The following CUL3 variants were observed in gnomAD, a reference collection of about 807,000 sequenced individuals.
The protein encoded by CUL3 is cullin 3, also known as cullin-3.
Under a neutral mutation model 89.1 loss-of-function variants are expected in CUL3, and 19 were observed. The observed-to-expected ratio is 0.21, with a 90% CI of 0.15 to 0.31. The LOEUF (loss-of-function observed/expected upper bound fraction) is 0.31, where lower values mean the gene tolerates loss of function less well. CUL3 is among the 10% of genes least tolerant of loss of function. CUL3 has a pLI of 1.00. For synonymous variants in CUL3, 351 were observed against 308.4 expected (o/e 1.14, Z -1.45); for missense variants, 469 against 942.3 (o/e 0.50, Z 6.58).
Position 224,562,435 on chromosome 2 carries a change from C to T in CUL3, c.67-4579G>A, listed in dbSNP as rs937424266. On this transcript the variant is annotated intron_variant, in intron 1 of 15. Transcript: ENST00000264414. Reference sequence around the variant, plus strand: ...GACAGATCACTTGAGGTTGGGAGTTCGAGACCAGCCTAGCCAACATGGTGA... The same window carrying T: ...GACAGATCACTTGAGGTTGGGAGTTTGAGACCAGCCTAGCCAACATGGTGA... Among the ~76,000 whole-genome samples the T allele has an allele frequency of 6.6e-5, 10 of 151,836 alleles. No individual in the cohort carries two copies. In the South Asian group the frequency reaches 1.9e-3, roughly 28 times the overall value.
At position 224,495,842 on chromosome 2, in the gene CUL3, T is replaced by C. The variant is rs1160245067; in HGVS notation, c.1832A>G (p.Tyr611Cys). The change falls in exon 13 of 16, where the codon TAC (tyrosine) becomes TGC (cysteine). Residue 611 changes from tyrosine to cysteine, a missense_variant. Physicochemically the swap from Tyr to Cys is radical, Grantham distance 194 (BLOSUM62 -2). Transcript: ENST00000264414. ...ILMLFNNREK[Y>C]TFEEIQQETD... ...AACCACAATCCATACCTCAAATGTGTATTTTTCTCTATTATTAAAGAGCAT... is the reference window on the plus strand; with the variant it reads ...AACCACAATCCATACCTCAAATGTGCATTTTTCTCTATTATTAAAGAGCAT... 5.0e-6 allele frequency: 8 copies of C among 1,609,996 alleles called. No individual in the cohort carries two copies. The highest frequency in any genetic ancestry group is 6.8e-6 in the Non-Finnish European group (8 of 1,177,000).
intron 10 of CUL3, among the ~76,000 whole-genome samples, chr2:224,501,293 CAGATCCAGTGCTATAACACTAT>C (rs962561759): frequency 6.6e-6 from 1 of 152,202 alleles, no homozygotes; most frequent in Non-Finnish European, 1.5e-5. Flanking sequence ...CCTCTGCATA[CAGATCCAGTGCTATAACACTAT>C]AGATCCAGTG....
chr2:224,520,555 T>TA (rs1250455650), intron 3 of CUL3, among the ~76,000 whole-genome samples: 2 of 152,118 alleles, frequency 1.3e-5, no homozygotes, highest in Non-Finnish European at 2.9e-5. Context: ...AAAGGCTGGA[T>TA]AAAAAAATAC....
At chr2:224,577,690 G>C (rs1052784844) in intron 1 of CUL3, among the ~76,000 whole-genome samples, 1 of 151,924 alleles carries the variant, frequency 6.6e-6, no homozygotes, top group Non-Finnish European at 1.5e-5. Flanking sequence ...TTCATATGTT[G>C]AATACTCCAG....
At chr2:224,540,162 T>A (rs192523326) in intron 2 of CUL3, among the ~76,000 whole-genome samples, 4 of 151,854 alleles carry the variant, frequency 2.6e-5, no homozygotes, top group Non-Finnish European at 5.9e-5. Context: ...GTTTAAGCCA[T>A]TATTCTGGCT....
At chr2:224,487,442 CCAA>C (rs1691772520) in intron 13 of CUL3, among the ~76,000 whole-genome samples, 4 of 90,072 alleles carry the variant, frequency 4.4e-5, no homozygotes, top group African/African-American at 1.7e-4. Flanking sequence ...CCCGCCCCCC[CCAA>C]AAAAAAAAAA....
intron 14 of CUL3, among the ~76,000 whole-genome samples, chr2:224,480,288 T>C (rs985389342): frequency 1.3e-5 from 2 of 152,228 alleles, no homozygotes; most frequent in Non-Finnish European, 2.9e-5. Context: ...TCTTCGAATA[T>C]TTGATTATGT....
At chr2:224,570,167 A>G (rs527928005) in intron 1 of CUL3, among the ~76,000 whole-genome samples, 17 of 152,170 alleles carry the variant, frequency 1.1e-4, no homozygotes, top group Non-Finnish European at 2.2e-4. Context: ...ATCTGAATAC[A>G]GTCCATTTGC....
chr2:224,532,090 C>T (rs1056941919), intron 3 of CUL3, among the ~76,000 whole-genome samples: 3 of 152,158 alleles, frequency 2.0e-5, no homozygotes, highest in African/African-American at 7.2e-5. Context: ...TGATTATGAG[C>T]TCATTTGGAC....
At chr2:224,534,081 T>C (rs763366023) in intron 3 of CUL3, among the ~76,000 whole-genome samples, 3 of 152,166 alleles carry the variant, frequency 2.0e-5, no homozygotes, top group African/African-American at 7.2e-5. Context: ...AATAATTATA[T>C]CCAATACACA....
At position 224,473,328 on chromosome 2, in the gene CUL3, T is replaced by C. The variant is rs1393520059; in HGVS notation, c.*917A>G. 1 of 193,926 alleles carries C rather than the reference T, an allele frequency of 5.2e-6. No individual in the cohort carries two copies. Among genetic ancestry groups the C allele is most frequent in the Non-Finnish European group, 1.1e-5 (1 of 92,780 alleles). The allele number at this position is 193,926 out of a possible 1,614,324, so 12.0% of individuals were successfully genotyped here. A position where few individuals can be genotyped will look rare whatever the true frequency, so the allele number is the denominator to read the frequency against. The stretch of plus-strand genomic sequence containing the variant: ...GGGTATTTATAAACAAAGTATAGAC[T>C]GTATGTGCTTTTCAGAGGGGCTGAA... On this transcript the variant is annotated 3_prime_UTR_variant, in exon 16 of 16. Transcript: ENST00000264414.
At chr2:224,513,389 G>A in intron 5 of CUL3, 135 bp downstream of exon 5, 1 of 615,016 alleles carries the variant, frequency 1.6e-6, no homozygotes, top group South Asian at 2.1e-5. Context: ...GTAGTGTGCT[G>A]ATGGGCATTT....
chr2:224,551,365 C>CCGAG (rs1474332478), intron 2 of CUL3, among the ~76,000 whole-genome samples: 1 of 152,082 alleles, frequency 6.6e-6, no homozygotes, highest in African/African-American at 2.4e-5. Flanking sequence ...GCCACCACGT[C>CCGAG]CGGCTCATTT....
intron 2 of CUL3, among the ~76,000 whole-genome samples, chr2:224,547,774 AGATT>A (rs1457884070): frequency 6.6e-6 from 1 of 152,070 alleles, no homozygotes; most frequent in Non-Finnish European, 1.5e-5. Flanking sequence ...GTTTTCCATT[AGATT>A]AATTAATATT....
At chr2:224,536,800 T>C (rs1693915864) in intron 2 of CUL3, among the ~76,000 whole-genome samples, 1 of 152,366 alleles carries the variant, frequency 6.6e-6, no homozygotes, top group East Asian at 1.9e-4. Flanking sequence ...CCTGCTATGC[T>C]ATCTGCCCAA....
intron 13 of CUL3, among the ~76,000 whole-genome samples, chr2:224,486,946 T>C (rs1340879184): frequency 6.6e-6 from 1 of 150,784 alleles, no homozygotes; most frequent in Non-Finnish European, 1.5e-5. Context: ...CAGAAGAGAG[T>C]GGGGGGGGCC....
intron 1 of CUL3, among the ~76,000 whole-genome samples, chr2:224,583,886 T>C (rs1344282455): frequency 6.6e-6 from 1 of 152,236 alleles, no homozygotes; most frequent in Non-Finnish European, 1.5e-5. Flanking sequence ...GTACATCATA[T>C]GAAGTATTTA....
At position 224,472,112 on chromosome 2, in the gene CUL3, C is replaced by G. The variant is rs1691151937; in HGVS notation, c.*2133G>C. 1 of 229,302 alleles carries G rather than the reference C, an allele frequency of 4.4e-6. No homozygotes were observed. Among genetic ancestry groups the G allele is most frequent in the Non-Finnish European group, 8.6e-6 (1 of 115,778 alleles). The allele number at this position is 229,302 out of a possible 1,614,324, so 14.2% of individuals were successfully genotyped here. A position where few individuals can be genotyped will look rare whatever the true frequency, so the allele number is the denominator to read the frequency against. On this transcript the variant is annotated 3_prime_UTR_variant, in exon 16 of 16. Coordinates refer to ENST00000264414, the MANE Select transcript of CUL3 (RefSeq NM_003590.5). Reference sequence around the variant, plus strand: ...TTTCAGTGCAGCATCACATCGCCAGCAATCTCCAACCATTCAACTGCAATT... The same window carrying G: ...TTTCAGTGCAGCATCACATCGCCAGGAATCTCCAACCATTCAACTGCAATT...
intron 13 of CUL3, among the ~76,000 whole-genome samples, chr2:224,490,391 G>A (rs1483762464): frequency 6.6e-6 from 1 of 152,118 alleles, no homozygotes; most frequent in Non-Finnish European, 1.5e-5. Context: ...TGACTCACGT[G>A]ACCTTATCAA....
Sources: allele counts gnomAD v4.1 joint callset (sites outside exome capture counted in the v4.1 genomes callset), GRCh38; gene constraint gnomAD v4.1.1; transcripts MANE v1.5; gene names NCBI Gene and HGNC (gene_info 2026-07-23, HGNC 2026-07-21).